Variants in NCOA6 observed in about 807,000 individuals in gnomAD.
The protein encoded by NCOA6 is nuclear receptor coactivator 6.
In NCOA6, 49 loss-of-function variants were observed where a neutral mutation model predicts 171.4. The observed-to-expected ratio is 0.29, with a 90% CI of 0.23 to 0.36. The LOEUF (loss-of-function observed/expected upper bound fraction) is 0.36. NCOA6 is among the 10% of genes least tolerant of loss of function. The pLI is 1.00. For synonymous variants in NCOA6, 910 were observed against 927.5 expected (o/e 0.98, Z 0.34); for missense variants, 2,248 against 2,554.5 (o/e 0.88, Z 2.59).
At chr20:34,815,363 C>T (rs971357317) in intron 1 of NCOA6, among the ~76,000 whole-genome samples, 2 of 151,534 alleles carry the variant, frequency 1.3e-5, no homozygotes, top group African/African-American at 2.4e-5. Context: ...GGTGACAAAG[C>T]GAGACTCTAT....
intron 2 of NCOA6, among the ~76,000 whole-genome samples, chr20:34,791,418 C>A (rs114154303): frequency 4.4e-4 from 67 of 152,240 alleles, no homozygotes; most frequent in African/African-American, 1.6e-3. Flanking sequence ...AGAGTAGCTG[C>A]TTGTGGCAAC....
At chr20:34,747,340 A>G (rs564563422) in intron 9 of NCOA6, among the ~76,000 whole-genome samples, 146 of 152,304 alleles carry the variant, frequency 9.6e-4, no homozygotes, top group Non-Finnish European at 5.1e-4. Flanking sequence ...TGGATATAAC[A>G]GTGGGGGCTC....
At chr20:34,729,830 T>C (rs1990395829) in intron 13 of NCOA6, among the ~76,000 whole-genome samples, 2 of 152,162 alleles carry the variant, frequency 1.3e-5, no homozygotes. Context: ...CCTTTGCTAG[T>C]AGCACCGTGG....
intron 5 of NCOA6, among the ~76,000 whole-genome samples, chr20:34,762,024 C>T (rs2076833731): frequency 6.6e-6 from 1 of 152,150 alleles, no homozygotes; most frequent in Non-Finnish European, 1.5e-5. Context: ...TTTATCCTTA[C>T]TAATTTTTTA....
chr20:34,766,766 G>C (rs890763484), intron 5 of NCOA6, among the ~76,000 whole-genome samples: 1 of 152,148 alleles, frequency 6.6e-6, no homozygotes, highest in African/African-American at 2.4e-5. Flanking sequence ...TACATATTAA[G>C]TCCTTTGGCC....
intron 2 of NCOA6, among the ~76,000 whole-genome samples, chr20:34,783,628 T>C (rs1473743673): frequency 6.6e-6 from 1 of 152,138 alleles, no homozygotes; most frequent in Non-Finnish European, 1.5e-5. Flanking sequence ...ACAACATTGA[T>C]TGATTGATTG....
intron 1 of NCOA6, among the ~76,000 whole-genome samples, chr20:34,811,201 G>GTATATA (rs10700283): frequency 0.021 from 1,147 of 53,752 alleles, 69 homozygotes; most frequent in Middle Eastern, 0.025. Context: ...ACAACAACGT[G>GTATATA]TATATATATA....
At chr20:34,716,042 C>G (rs184082343) in intron 14 of NCOA6, among the ~76,000 whole-genome samples, 16 of 151,500 alleles carry the variant, frequency 1.1e-4, no homozygotes, top group Non-Finnish European at 2.4e-4. Flanking sequence ...CATGGCGAAA[C>G]CCCATCTCTA....
Position 34,757,238 on chromosome 20 carries a change from A to C in NCOA6, c.1510T>G (p.Leu504Val). Reference protein sequence around the residue: ...QQPPNQGPQSLHPGLGGMPKR... With the variant: ...QQPPNQGPQSVHPGLGGMPKR... ...TCCTCACCTCCTAGGCCTGGATGTAAACTCTGTGGCCCCTGGTTTGGTGGT... is the reference window on the plus strand; with the variant it reads ...TCCTCACCTCCTAGGCCTGGATGTACACTCTGTGGCCCCTGGTTTGGTGGT... The change falls in exon 7 of 15, where the codon TTA (leucine) becomes GTA (valine). Residue 504 changes from leucine to valine, a missense_variant. By Grantham distance (32) the Leu-to-Val change is conservative. Coordinates refer to ENST00000359003, the MANE Select transcript of NCOA6 (RefSeq NM_014071.5). The C allele has an allele frequency of 6.3e-7, 1 of 1,594,814 alleles. No homozygotes were observed. Among genetic ancestry groups the C allele is most frequent in the South Asian group, 1.1e-5 (1 of 87,388 alleles).
At chr20:34,822,380 A>G (rs989884122) in intron 1 of NCOA6, among the ~76,000 whole-genome samples, 2 of 152,132 alleles carry the variant, frequency 1.3e-5, no homozygotes, top group African/African-American at 4.8e-5. Flanking sequence ...ACATTCAGTT[A>G]TTAATACATT....
chr20:34,715,605 G>A (rs79517493), intron 14 of NCOA6, among the ~76,000 whole-genome samples: 4,376 of 152,262 alleles, frequency 0.029, 224 homozygotes, highest in African/African-American at 0.1. Flanking sequence ...GAAGCACACT[G>A]ACTAGAGAAA....
intron 1 of NCOA6, among the ~76,000 whole-genome samples, chr20:34,823,765 A>G (rs2079074625): frequency 6.6e-6 from 1 of 151,924 alleles, no homozygotes; most frequent in African/African-American, 2.4e-5. Flanking sequence ...TGGAATGACC[A>G]TAGCATGGCT....
chr20:34,736,803 T>C (rs1335068349), intron 11 of NCOA6, 45 bp from the exon 12 acceptor site: 1 of 1,529,670 alleles, frequency 6.5e-7, no homozygotes, highest in Admixed American at 1.9e-5. Context: ...CTTTCTTTTC[T>C]AAACAAAAAG....
At chr20:34,807,842 T>C (rs1181950571) in intron 1 of NCOA6, among the ~76,000 whole-genome samples, 2 of 150,550 alleles carry the variant, frequency 1.3e-5, no homozygotes, top group Non-Finnish European at 3.0e-5. Context: ...TTAGTTTTTG[T>C]TTTTTTGTAG....
intron 2 of NCOA6, among the ~76,000 whole-genome samples, chr20:34,788,263 C>T (rs1019537281): frequency 8.5e-5 from 13 of 152,128 alleles, no homozygotes; most frequent in African/African-American, 2.9e-4. Context: ...GGGGTTTCAC[C>T]GTGTTGCCCA....
At chr20:34,721,993 T>G (rs1167652121) in intron 14 of NCOA6, among the ~76,000 whole-genome samples, 2 of 142,658 alleles carry the variant, frequency 1.4e-5, no homozygotes, top group Non-Finnish European at 1.5e-5. Flanking sequence ...AGTTTGAGGC[T>G]GCAGTGAGTG....
chr20:34,727,338 T>C lies in NCOA6; in HGVS notation c.6069A>G (p.Pro2023=), dbSNP rs752937923. 5.0e-6 allele frequency: 8 copies of C among 1,614,196 alleles called. No homozygotes were observed. Among genetic ancestry groups the C allele is most frequent in the Non-Finnish European group, 5.9e-6 (7 of 1,180,046 alleles). ...TTTCCACACTTTCAGAGGCCACAGT[T>C]GGCTCTTCAGTTCGGGAGTTTCTTC... ...PGRRNSRTEE[P]TVASESVENG... is the part of the protein sequence containing the mutation. The change falls in exon 14 of 15, where the codon CCA becomes CCG. Residue 2023 remains proline (P), a synonymous_variant. Transcript: ENST00000359003.
intron 14 of NCOA6, among the ~76,000 whole-genome samples, chr20:34,718,429 C>T (rs1988870157): frequency 6.6e-6 from 1 of 151,430 alleles, no homozygotes; most frequent in South Asian, 2.1e-4. Flanking sequence ...TGATTTTCTA[C>T]TCCCTCCAAA....
chr20:34,776,874 T>G lies in NCOA6; in HGVS notation c.236-426A>C, dbSNP rs147324314. ...AGGCTCATGCCTATAATCCCAGCACTTCGGGAGGCCGAGGCAGGTGGATCA... is the reference window on the plus strand; with the variant it reads ...AGGCTCATGCCTATAATCCCAGCACGTCGGGAGGCCGAGGCAGGTGGATCA... On this transcript the variant is annotated intron_variant, in intron 3 of 14. Coordinates refer to ENST00000359003, the MANE Select transcript of NCOA6 (RefSeq NM_014071.5). The G allele has an allele frequency of 7.4e-3, 3,064 of 415,770 alleles. 20 individuals are homozygous for G. Among genetic ancestry groups the G allele is most frequent in the Middle Eastern group, 0.01 (23 of 2,244 alleles). 25.8% of individuals were successfully genotyped at this position (415,770 alleles called of 1,614,324 possible). A position where few individuals can be genotyped will look rare whatever the true frequency, so the allele number is the denominator to read the frequency against.
Sources: gnomAD v4.1 joint callset for allele counts (sites outside exome capture counted in the v4.1 genomes callset) on GRCh38, gnomAD v4.1.1 for gene constraint, MANE v1.5 for transcripts, NCBI Gene and HGNC (gene_info 2026-07-23, HGNC 2026-07-21) for gene names.